Variants in MSI2 observed in about 807,000 individuals in gnomAD.
MSI2 encodes RNA-binding protein Musashi homolog 2.
In MSI2, 17 loss-of-function variants were observed where a neutral mutation model predicts 45.6. The ratio of observed to expected loss-of-function variants is 0.37; its 90% CI spans 0.26 to 0.56. The LOEUF is 0.56. Among genes scored for constraint, MSI2 ranks in the 20% least tolerant of loss-of-function variants. The pLI is 0.77. For missense variants in MSI2, 293 were observed against 444.2 expected (o/e 0.66, Z 3.06); for synonymous variants, 156 against 158.2 (o/e 0.99, Z 0.11).
intron 6 of MSI2, among the ~76,000 whole-genome samples, chr17:57,411,571 C>T (rs1406689676): frequency 6.6e-6 from 1 of 152,136 alleles, no homozygotes; most frequent in Non-Finnish European, 1.5e-5. Flanking sequence ...ATGTAAGACC[C>T]CTTAGCCCAA....
intron 6 of MSI2, among the ~76,000 whole-genome samples, chr17:57,422,703 T>C (rs7225144): frequency 0.091 from 13,928 of 152,272 alleles, 815 homozygotes; most frequent in African/African-American, 0.16. Context: ...ATGGAAAAAT[T>C]GGCCCATCTG....
intron 6 of MSI2, among the ~76,000 whole-genome samples, chr17:57,517,049 T>G (rs1305371554): frequency 6.6e-6 from 1 of 152,222 alleles, no homozygotes; most frequent in East Asian, 1.9e-4. Flanking sequence ...TGAAGTTTGT[T>G]CTCAGCAGCA....
At chr17:57,261,032 T>G (rs1446610970) in intron 4 of MSI2, among the ~76,000 whole-genome samples, 1 of 152,216 alleles carries the variant, frequency 6.6e-6, no homozygotes, top group Non-Finnish European at 1.5e-5. Context: ...TGGTAGCATG[T>G]TTATACTATC....
intron 5 of MSI2, among the ~76,000 whole-genome samples, chr17:57,285,549 G>T (rs185033153): frequency 1.3e-5 from 2 of 152,298 alleles, no homozygotes; most frequent in East Asian, 1.9e-4. Context: ...GAGAGGCTGG[G>T]GTGTGGGGAA....
the MSI2 span, among the ~76,000 whole-genome samples, chr17:57,700,672 G>A: frequency 6.6e-6 from 1 of 152,140 alleles, no homozygotes; most frequent in South Asian, 2.1e-4. Context: ...GGAGGCCAAG[G>A]CAGGCAGATC....
chr17:57,631,912 G>T (rs544104654), intron 10 of MSI2: 2 of 1,572,124 alleles, frequency 1.3e-6, no homozygotes, highest in Non-Finnish European at 1.7e-6. Context: ...GGCTGCCCCC[G>T]CTCCAGTCAA....
chr17:57,362,839 C>T (rs989543965), intron 5 of MSI2, among the ~76,000 whole-genome samples: 2 of 152,082 alleles, frequency 1.3e-5, no homozygotes, highest in African/African-American at 4.8e-5. Flanking sequence ...ATGTTCAACC[C>T]AAGTGCATGA....
At chr17:57,463,933 C>T (rs2085279462) in intron 6 of MSI2, among the ~76,000 whole-genome samples, 1 of 151,952 alleles carries the variant, frequency 6.6e-6, no homozygotes, top group Non-Finnish European at 1.5e-5. Context: ...ATTTTGTCAC[C>T]CCTAAAGTGT....
intron 8 of MSI2, among the ~76,000 whole-genome samples, chr17:57,615,250 C>G (rs1404381406): frequency 6.6e-6 from 1 of 151,784 alleles, no homozygotes; most frequent in African/African-American, 2.4e-5. Context: ...ACCTCAGCCT[C>G]CCAGGTAGCT....
chr17:57,348,552 A>G (rs1264545081), intron 5 of MSI2, among the ~76,000 whole-genome samples: 1 of 152,056 alleles, frequency 6.6e-6, no homozygotes, highest in Non-Finnish European at 1.5e-5. Context: ...TGGTTGTTTA[A>G]AAAGCCTGGC....
chr17:57,307,388 C>T (rs1567748193), intron 5 of MSI2, among the ~76,000 whole-genome samples: 1 of 152,092 alleles, frequency 6.6e-6, no homozygotes, highest in Admixed American at 6.5e-5. Context: ...ACATGGAAAC[C>T]CTCCCTGAAT....
At chr17:57,546,501 C>T (rs1403014335) in intron 7 of MSI2, among the ~76,000 whole-genome samples, 1 of 152,054 alleles carries the variant, frequency 6.6e-6, no homozygotes, top group Non-Finnish European at 1.5e-5. Context: ...AAAAATACAC[C>T]AGAAAAATAG....
intron 10 of MSI2, among the ~76,000 whole-genome samples, chr17:57,634,501 G>C (rs1229021183): frequency 6.6e-6 from 1 of 152,054 alleles, no homozygotes; most frequent in Non-Finnish European, 1.5e-5. Flanking sequence ...TCTCTATGCT[G>C]TAAGGGTGCA....
chr17:57,430,897 T>C (rs150988633), intron 6 of MSI2, among the ~76,000 whole-genome samples: 422 of 152,358 alleles, frequency 2.8e-3, no homozygotes, highest in African/African-American at 9.8e-3. Context: ...TTATAGAATC[T>C]GCATTGGCTG....
intron 7 of MSI2, among the ~76,000 whole-genome samples, chr17:57,589,741 A>C (rs1228105549): frequency 6.6e-6 from 1 of 152,216 alleles, no homozygotes; most frequent in Non-Finnish European, 1.5e-5. Context: ...CCAGAAAAGT[A>C]GGGGGGAGTG....
At chr17:57,613,623 C>T (rs1013236431) in intron 8 of MSI2, among the ~76,000 whole-genome samples, 1 of 152,180 alleles carries the variant, frequency 6.6e-6, no homozygotes, top group African/African-American at 2.4e-5. Context: ...TCCACCCCTC[C>T]ACACTATACC....
chr17:57,432,769 T>A (rs1459545579), intron 6 of MSI2, among the ~76,000 whole-genome samples: 1 of 152,214 alleles, frequency 6.6e-6, no homozygotes. Context: ...CTGACAGCTC[T>A]TCCTGACTCA....
chr17:57,652,027 C>G lies in MSI2; in HGVS notation c.728-72C>G. On this transcript the variant is annotated intron_variant, in intron 10 of 13. Coordinates refer to ENST00000284073, the MANE Select transcript of MSI2 (RefSeq NM_138962.4). This position sits in a 1 kb window ranked among gnomAD's most constrained non-coding sequence, Gnocchi z 4.1. The stretch of plus-strand genomic sequence containing the variant: ...TGTGGAGGGCGGGGGGTTGTGTGGC[C>G]CGTGACCTAGGTCTGTGCCTGGCCC... 2.1e-6 allele frequency: 3 copies of G among 1,445,826 alleles called. No individual in the cohort carries two copies. The highest frequency in any genetic ancestry group is 2.3e-5 in the South Asian group (2 of 87,330). 89.6% of individuals were successfully genotyped at this position (1,445,826 alleles called of 1,614,324 possible).
chr17:57,373,311 T>C (rs1248040506), intron 5 of MSI2, among the ~76,000 whole-genome samples: 1 of 152,040 alleles, frequency 6.6e-6, no homozygotes, highest in African/African-American at 2.4e-5. Flanking sequence ...ATAAGAAAAC[T>C]GAGGCCCAAC....
Sources: allele counts gnomAD v4.1 joint callset (sites outside exome capture counted in the v4.1 genomes callset), GRCh38; gene constraint gnomAD v4.1.1; non-coding constraint Gnocchi (gnomAD v3.1); transcripts MANE v1.5; gene names NCBI Gene and HGNC (gene_info 2026-07-23, HGNC 2026-07-21).